The following SELENBP1 variants were observed in gnomAD, a reference collection of about 807,000 sequenced individuals.
The protein encoded by SELENBP1 is methanethiol oxidase.
Under a neutral mutation model 61.0 loss-of-function variants are expected in SELENBP1, and 71 were observed. The observed-to-expected ratio is 1.16, with a 90% CI of 0.96 to 1.42. SELENBP1 has a LOEUF of 1.42. Among genes scored for constraint, SELENBP1 ranks in the 40% most tolerant of loss-of-function variants. The pLI is 0.00. For synonymous variants in SELENBP1, 270 were observed against 238.9 expected (o/e 1.13, Z -1.20); for missense variants, 561 against 605.0 (o/e 0.93, Z 0.76).
chr1:151,366,912 G>A lies in SELENBP1; in HGVS notation c.482-8C>T. On this transcript the variant is annotated splice_region_variant and splice_polypyrimidine_tract_variant and intron_variant, in intron 5 of 11. Transcript: ENST00000368868. ...CCAGCAGCACAAAACCCCCTGAACAGGGAAGGAAGCAGGGTGGCAGGTAGA... is the reference window on the plus strand; with the variant it reads ...CCAGCAGCACAAAACCCCCTGAACAAGGAAGGAAGCAGGGTGGCAGGTAGA... 6.2e-7 allele frequency: 1 copy of A among 1,612,736 alleles called. No homozygotes were observed.
At chr1:151,370,141 C>T in intron 1 of SELENBP1, 2 of 575,420 alleles carry the variant, frequency 3.5e-6, no homozygotes, top group Non-Finnish European at 5.8e-6. Flanking sequence ...AGCTCCTCGA[C>T]CTCAATTTCT....
intron 5 of SELENBP1, chr1:151,367,479 TG>T (rs1165544260): frequency 1.0e-4 from 3 of 29,060 alleles, no homozygotes; most frequent in Non-Finnish European, 2.3e-4. Flanking sequence ...CCAGTGCCCC[TG>T]TCTCCTGTCT....
rs759684832 is a variant in SELENBP1, at chr1:151,364,562, C to A, written c.1400G>T (p.Ser467Ile). The A allele has an allele frequency of 1.2e-6, 2 of 1,614,152 alleles. No homozygotes were observed. Among genetic ancestry groups the A allele is most frequent in the Non-Finnish European group, 1.7e-6 (2 of 1,180,010 alleles). Residue 467 changes from serine (S) to isoleucine (I), a missense_variant, in exon 12 of 12, where the codon AGC becomes ATC. Transcript: ENST00000368868. ...TGGAGTTCAAATCCAGATGTCAGAG[C>A]TACAATCGCCCCCAGGGTAGCGGAG... ...HELRYPGGDC[S>I]SDIWI
rs768492038 is a variant in SELENBP1, at chr1:151,365,301, G to A, written c.1045-20C>T. On this transcript the variant is annotated intron_variant, in intron 9 of 11. Transcript: ENST00000368868. ...GAAGAGCTAGATGGGGAGGTGCAGA[G>A]TATAAGGAGGACCATAGTGGGAGGC... 1.5e-5 allele frequency: 24 copies of A among 1,605,182 alleles called. No individual in the cohort carries two copies. Among genetic ancestry groups the A allele is most frequent in the African/African-American group, 2.7e-5 (2 of 74,654 alleles).
Position 151,365,287 on chromosome 1 carries a change from T to C in SELENBP1, c.1045-6A>G. 6.2e-7 allele frequency: 1 copy of C among 1,611,174 alleles called. No homozygotes were observed. Among genetic ancestry groups the C allele is most frequent in the Non-Finnish European group, 8.5e-7 (1 of 1,178,500 alleles). Reference sequence around the variant, plus strand: ...ATGCTGCCTCCGAGGAAGAGCTAGATGGGGAGGTGCAGAGTATAAGGAGGA... The same window carrying C: ...ATGCTGCCTCCGAGGAAGAGCTAGACGGGGAGGTGCAGAGTATAAGGAGGA... On this transcript the variant is annotated splice_polypyrimidine_tract_variant and splice_region_variant and intron_variant, in intron 9 of 11. Coordinates refer to ENST00000368868, the MANE Select transcript of SELENBP1 (RefSeq NM_003944.4).
At position 151,364,382 on chromosome 1, in the gene SELENBP1, A is replaced by G. The variant is rs905084254; in HGVS notation, c.*161T>C. On this transcript the variant is annotated 3_prime_UTR_variant, in exon 12 of 12. Coordinates refer to ENST00000368868, the MANE Select transcript of SELENBP1 (RefSeq NM_003944.4). ...AGCAGCACAGTGAGCAACAAGCAACAGTGGTCAGTAAATGTATATGACTCA... is the reference window on the plus strand; with the variant it reads ...AGCAGCACAGTGAGCAACAAGCAACGGTGGTCAGTAAATGTATATGACTCA... 2.5e-6 allele frequency: 2 copies of G among 800,070 alleles called. No homozygotes were observed. Among genetic ancestry groups the G allele is most frequent in the Non-Finnish European group, 4.1e-6 (2 of 492,306 alleles). The allele number at this position is 800,070 out of a possible 1,614,324, so 49.6% of individuals were successfully genotyped here.
intron 1 of SELENBP1, among the ~76,000 whole-genome samples, chr1:151,371,617 G>C (rs1652142873): frequency 1.3e-5 from 2 of 152,040 alleles, no homozygotes; most frequent in African/African-American, 4.8e-5. Flanking sequence ...GATGACAGGG[G>C]GTGGGGAAGG....
At chr1:151,365,911 A>T in intron 7 of SELENBP1, 65 bp from the exon 8 acceptor site, 1 of 1,571,124 alleles carries the variant, frequency 6.4e-7, no homozygotes, top group Admixed American at 1.7e-5. Flanking sequence ...ATTGGGGACT[A>T]GGGGTTAGAT....
At chr1:151,367,066 G>T in intron 5 of SELENBP1, 162 bp from the exon 6 acceptor site, 1 of 1,427,162 alleles carries the variant, frequency 7.0e-7, no homozygotes. Flanking sequence ...CAGGGCTGGG[G>T]GAAGAGTGGC....
rs752623236 is a variant in SELENBP1, at chr1:151,368,269, G to A, written c.411C>T (p.His137=). 1 of 1,614,232 alleles carries A rather than the reference G, an allele frequency of 6.2e-7. No individual in the cohort carries two copies. The highest frequency in any genetic ancestry group is 8.5e-7 in the Non-Finnish European group (1 of 1,180,046). Residue 137 remains histidine, a synonymous_variant, in exon 5 of 12, where the codon CAC becomes CAT. Coordinates refer to ENST00000368868, the MANE Select transcript of SELENBP1 (RefSeq NM_003944.4). ...IHAKCELAFL[H]TSHCLASGEV... ...CCCCGCTGGCCAGGCAGTGGCTGGT[G>A]TGGAGAAAGGCCAGTTCGCACTTGG...
At chr1:151,366,567 G>C in intron 6 of SELENBP1, 114 bp from the exon 7 acceptor site, 1 of 1,422,816 alleles carries the variant, frequency 7.0e-7, no homozygotes, top group African/African-American at 1.4e-5. Flanking sequence ...GAGGGATCAG[G>C]AAGACGCTTG....
chr1:151,364,896 G>A (rs1170798889), intron 11 of SELENBP1, 30 bp downstream of exon 11: 8 of 1,603,292 alleles, frequency 5.0e-6, no homozygotes, highest in East Asian at 2.2e-5. Context: ...AGGAGGGCTG[G>A]GGAGGAGAGC....
intron 7 of SELENBP1, 72 bp downstream of exon 7, chr1:151,366,203 G>A (rs999762549): frequency 2.6e-6 from 4 of 1,540,274 alleles, no homozygotes; most frequent in East Asian, 2.3e-5. Flanking sequence ...TGGGAGCACC[G>A]TTACAGAAGC....
chr1:151,365,810 G>C lies in SELENBP1; in HGVS notation c.880C>G (p.Pro294Ala). The stretch of plus-strand genomic sequence containing the variant: ...AGCCAGCCCTTCACTTTCTTGGGGG[G>C]CACCTGGATCACCTTCTCCACTGAC... The part of the protein sequence containing the change: ...TWSVEKVIQV[P>A]PKKVKGWLLP... Residue 294 changes from proline to alanine, a missense_variant, in exon 8 of 12, where the codon CCC (proline) becomes GCC (alanine). Transcript: ENST00000368868. The C allele has an allele frequency of 6.2e-7, 1 of 1,614,150 alleles. No individual in the cohort carries two copies. Among genetic ancestry groups the C allele is most frequent in the Non-Finnish European group, 8.5e-7 (1 of 1,180,022 alleles).
Position 151,364,627 on chromosome 1 carries a change from G to A in SELENBP1, c.1335C>T (p.Asp445=). 6.2e-7 allele frequency: 1 copy of A among 1,613,724 alleles called. No homozygotes were observed. Among genetic ancestry groups the A allele is most frequent in the Non-Finnish European group, 8.5e-7 (1 of 1,179,796 alleles). The change falls in exon 12 of 12, where the codon GAC becomes GAT. Residue 445 remains aspartate, a synonymous_variant. Coordinates refer to ENST00000368868, the MANE Select transcript of SELENBP1 (RefSeq NM_003944.4). The part of the protein sequence containing the change: ...GLKLNPNFLV[D]FGKEPLGPAL... ...CTGGGCCAAGGGGCTCCTTCCCGAA[G>A]TCCACCAGGAAGTTGGGGTTCAACT...
chr1:151,365,142 C>T, intron 10 of SELENBP1, 47 bp downstream of exon 10: 1 of 1,596,422 alleles, frequency 6.3e-7, no homozygotes, highest in Non-Finnish European at 8.6e-7. Flanking sequence ...ACATATTCCT[C>T]AAGCATGGGT....
rs370950044 is a variant in SELENBP1, at chr1:151,366,876, C to T, written c.510G>A (p.Thr170=). The change falls in exon 6 of 12, where the codon ACG becomes ACA. Residue 170 remains threonine, a synonymous_variant. Coordinates refer to ENST00000368868, the MANE Select transcript of SELENBP1 (RefSeq NM_003944.4). ...KGGFVLLDGE[T]FEVKGTWERP... is the part of the protein sequence containing the mutation. ...TCTCCCATGTCCCCTTCACCTCGAA[C>T]GTCTCCCCATCCAGCAGCACAAAAC... The T allele has an allele frequency of 6.6e-5, 106 of 1,614,004 alleles. No homozygotes were observed. Among genetic ancestry groups the T allele is most frequent in the East Asian group, 4.0e-4 (18 of 44,888 alleles).
At chr1:151,370,104 G>T in intron 1 of SELENBP1, 1 of 977,184 alleles carries the variant, frequency 1.0e-6, no homozygotes, top group Non-Finnish European at 1.4e-6. Context: ...CCACTGACTA[G>T]CCAGGGGAGC....
rs768718995 is a variant in SELENBP1, at chr1:151,365,038, G to A, written c.1144C>T (p.Arg382Trp). 24 of 1,606,136 alleles carry A rather than the reference G, an allele frequency of 1.5e-5. No homozygotes were observed. The highest frequency in any genetic ancestry group is 6.7e-5 in the East Asian group (3 of 44,754). Residue 382 changes from arginine to tryptophan, a missense_variant, in exon 11 of 12, where the codon CGG (arginine) becomes TGG (tryptophan). Coordinates refer to ENST00000368868, the MANE Select transcript of SELENBP1 (RefSeq NM_003944.4). ...ATCATCTGAGGGCCTCCAGCCACCC[G>A]TTTTCCCTTGGGAAAACCAGGGGTC... ...QPEPLVVKGK[R>W]VAGGPQMIQL...
Sources: allele counts gnomAD v4.1 joint callset (sites outside exome capture counted in the v4.1 genomes callset), GRCh38; gene constraint gnomAD v4.1.1; transcripts MANE v1.5; gene names NCBI Gene and HGNC (gene_info 2026-07-23, HGNC 2026-07-21).